The following LINGO2 variants were observed in gnomAD, a reference collection of about 807,000 sequenced individuals.
LINGO2 encodes leucine rich repeat and Ig domain containing 2.
Under a neutral mutation model 30.6 loss-of-function variants are expected in LINGO2, and 14 were observed. The ratio of observed to expected loss-of-function variants is 0.46; its 90% confidence interval spans 0.30 to 0.72. The LOEUF (loss-of-function observed/expected upper bound fraction) is 0.72, where lower values mean the gene tolerates loss of function less well. Ranked by LOEUF, LINGO2 falls within the 30% of genes least tolerant of loss-of-function variation. The probability of loss-of-function intolerance (pLI) is 0.07; values close to 1 mark genes in which losing one functional copy is unlikely to be tolerated. For missense variants in LINGO2, 729 were observed against 751.7 expected (o/e 0.97, Z 0.35); for synonymous variants, 317 against 288.5 (o/e 1.10, Z -1.00).
At chr9:28,319,447 A>C (rs550920955) in intron 3 of LINGO2, among the ~76,000 whole-genome samples, 1 of 152,322 alleles carries the variant, frequency 6.6e-6, no homozygotes, top group African/African-American at 2.4e-5. Context: ...TGTATCTACA[A>C]AATTGCTTTT....
chr9:28,907,625 G>A, the LINGO2 span, among the ~76,000 whole-genome samples: 2 of 151,676 alleles, frequency 1.3e-5, no homozygotes, highest in African/African-American at 4.8e-5. Context: ...ATGATAGCAG[G>A]TAAACAGGAG....
the LINGO2 span, among the ~76,000 whole-genome samples, chr9:29,138,187 T>C: frequency 1.3e-5 from 2 of 152,022 alleles, no homozygotes; most frequent in East Asian, 3.9e-4. Context: ...GGAACCTATA[T>C]ATAATAATAG....
chr9:29,204,159 A>ACTC, the LINGO2 span, among the ~76,000 whole-genome samples: 1 of 152,162 alleles, frequency 6.6e-6, no homozygotes, highest in African/African-American at 2.4e-5. Context: ...TATAGCATGT[A>ACTC]CTCCTTCAGT....
At chr9:28,985,547 A>C in the LINGO2 span, among the ~76,000 whole-genome samples, 1 of 152,120 alleles carries the variant, frequency 6.6e-6, no homozygotes, top group East Asian at 1.9e-4. Context: ...TCTTTTTGAT[A>C]ACAGCCATTC....
intron 2 of LINGO2, among the ~76,000 whole-genome samples, chr9:28,421,507 A>C (rs1405852715): frequency 6.6e-6 from 1 of 151,506 alleles, no homozygotes; most frequent in Non-Finnish European, 1.5e-5. Context: ...ACAAAGTTAG[A>C]GGTCTCACAC....
chr9:28,990,109 G>A, the LINGO2 span, among the ~76,000 whole-genome samples: 5 of 152,212 alleles, frequency 3.3e-5, no homozygotes, highest in East Asian at 1.9e-4. Flanking sequence ...ACTGGGAAGC[G>A]CAAGGGGTCA....
intron 4 of LINGO2, among the ~76,000 whole-genome samples, chr9:28,076,194 C>T (rs889854259): frequency 1.1e-4 from 16 of 152,090 alleles, no homozygotes; most frequent in African/African-American, 3.9e-4. Flanking sequence ...CTTTGCTCTT[C>T]TAAATACTAT....
chr9:29,059,157 T>C, the LINGO2 span, among the ~76,000 whole-genome samples: 1 of 151,782 alleles, frequency 6.6e-6, no homozygotes, highest in Non-Finnish European at 1.5e-5. Flanking sequence ...TGGAGACATA[T>C]GCAATATTAA....
At chr9:28,171,633 T>C (rs1321206098) in intron 4 of LINGO2, among the ~76,000 whole-genome samples, 2 of 152,080 alleles carry the variant, frequency 1.3e-5, no homozygotes, top group African/African-American at 4.8e-5. Context: ...CCAATGTATC[T>C]TTTTTTCACC....
At chr9:28,893,696 C>T in the LINGO2 span, among the ~76,000 whole-genome samples, 2 of 150,966 alleles carry the variant, frequency 1.3e-5, no homozygotes, top group Admixed American at 1.3e-4. Context: ...CTATTGATTA[C>T]TTGTGTGTCT....
chr9:29,120,786 A>C, the LINGO2 span, among the ~76,000 whole-genome samples: 1 of 152,192 alleles, frequency 6.6e-6, no homozygotes, highest in Non-Finnish European at 1.5e-5. Context: ...TTATGTGTGC[A>C]ACTTTAATGT....
At chr9:29,038,864 C>T in the LINGO2 span, among the ~76,000 whole-genome samples, 8 of 152,146 alleles carry the variant, frequency 5.3e-5, no homozygotes, top group African/African-American at 1.9e-4. Flanking sequence ...ATTAAGACGC[C>T]TTAACCGAGC....
chr9:28,540,103 A>G (rs1323215802), intron 1 of LINGO2, among the ~76,000 whole-genome samples: 2 of 152,118 alleles, frequency 1.3e-5, no homozygotes, highest in African/African-American at 4.8e-5. Flanking sequence ...CTCTGAAAAA[A>G]CAGTTTGATA....
chr9:28,354,237 G>T (rs756255617), intron 3 of LINGO2, among the ~76,000 whole-genome samples: 1 of 152,128 alleles, frequency 6.6e-6, no homozygotes, highest in Non-Finnish European at 1.5e-5. Context: ...CTTTTAAGGT[G>T]ATACGGTACT....
At chr9:27,980,014 T>A (rs1028919343) in intron 5 of LINGO2, among the ~76,000 whole-genome samples, 1 of 151,876 alleles carries the variant, frequency 6.6e-6, no homozygotes, top group East Asian at 1.9e-4. Context: ...TGTATTGACA[T>A]GTGAAGGGGA....
At chr9:28,314,959 G>A (rs553351812) in intron 3 of LINGO2, among the ~76,000 whole-genome samples, 3 of 148,624 alleles carry the variant, frequency 2.0e-5, no homozygotes, top group African/African-American at 7.4e-5. Context: ...GCAGTGAGCC[G>A]AGATCGCGCC....
At chr9:28,005,492 TTCTA>T (rs1465957319) in intron 5 of LINGO2, among the ~76,000 whole-genome samples, 2 of 152,164 alleles carry the variant, frequency 1.3e-5, no homozygotes, top group Non-Finnish European at 2.9e-5. Context: ...TCCCCACAGT[TTCTA>T]TCTAATTCTC....
chr9:28,763,692 T>C, the LINGO2 span, among the ~76,000 whole-genome samples: 2 of 149,956 alleles, frequency 1.3e-5, no homozygotes, highest in African/African-American at 2.5e-5. Flanking sequence ...AGGGCAAAAA[T>C]AAATTAAATA....
chr9:28,856,510 A>C, the LINGO2 span, among the ~76,000 whole-genome samples: 1 of 152,008 alleles, frequency 6.6e-6, no homozygotes, highest in Non-Finnish European at 1.5e-5. Flanking sequence ...TCTGAACTGA[A>C]GACTGAAGAA....
Sources: gnomAD v4.1 joint callset for allele counts (sites outside exome capture counted in the v4.1 genomes callset) on GRCh38, gnomAD v4.1.1 for gene constraint, MANE v1.5 for transcripts, NCBI Gene and HGNC (gene_info 2026-07-23, HGNC 2026-07-21) for gene names.